SRP14: variants seen among roughly 807,000 people sequenced by gnomAD.
The protein encoded by SRP14 is signal recognition particle 14, also known as signal recognition particle 14 kDa protein.
Under a neutral mutation model 16.0 loss-of-function variants are expected in SRP14, and 1 was observed. The ratio of observed to expected loss-of-function variants is 0.06; its 90% CI spans 0.02 to 0.30. SRP14 has a LOEUF of 0.30. Among genes scored for constraint, SRP14 ranks in the 10% least tolerant of loss-of-function variants. The probability of loss-of-function intolerance (pLI) is 1.00; values close to 1 mark genes in which losing one functional copy is unlikely to be tolerated. For synonymous variants in SRP14, 67 were observed against 60.1 expected (o/e 1.12, Z -0.53); for missense variants, 120 against 163.1 (o/e 0.74, Z 1.44).
At chr15:40,038,756 G>T in intron 2 of SRP14, 120 bp downstream of exon 2, 1 of 1,075,254 alleles carries the variant, frequency 9.3e-7, no homozygotes. Flanking sequence ...AGCCCCGAAT[G>T]TGCTCAGTAC....
Position 40,036,261 on chromosome 15 carries a change from C to T in SRP14, c.*72G>A, listed in dbSNP as rs2035617469. The stretch of plus-strand genomic sequence containing the variant: ...ACACCTACTGTGGGGGAACCAGAAA[C>T]CTAGCTATCTGGCCAAAAGGAAAAA... On this transcript the variant is annotated 3_prime_UTR_variant, in exon 5 of 5. Transcript: ENST00000267884. 6.3e-7 allele frequency: 1 copy of T among 1,592,810 alleles called. No homozygotes were observed. Among genetic ancestry groups the T allele is most frequent in the Admixed American group, 1.7e-5 (1 of 59,214 alleles).
chr15:40,037,209 A>G, intron 3 of SRP14, 191 bp from the exon 4 acceptor site: 24 of 1,242,642 alleles, frequency 1.9e-5, no homozygotes, highest in Non-Finnish European at 2.4e-5. Flanking sequence ...GAGAACAAGA[A>G]AAGGAGCTCT....
rs571316650 is a variant in SRP14, at chr15:40,037,163, G to A, written c.211-145C>T. On this transcript the variant is annotated intron_variant, in intron 3 of 4. Transcript: ENST00000267884. The stretch of plus-strand genomic sequence containing the variant: ...CCCAACTTCAGGGTTCATAATACAC[G>A]AATGGTTATTTTTCTACTCTACTTT... 9 of 1,239,580 alleles carry A rather than the reference G, an allele frequency of 7.3e-6. No homozygotes were observed. The South Asian group carries it at 1.0e-4, about 14-fold the overall frequency. 76.8% of individuals were successfully genotyped at this position (1,239,580 alleles called of 1,614,324 possible). A position where few individuals can be genotyped will look rare whatever the true frequency, so the allele number is the denominator to read the frequency against.
At position 40,039,130 on chromosome 15, in the gene SRP14, G is replaced by A. The variant is rs749396172; in HGVS notation, c.-14C>T. The A allele has an allele frequency of 2.5e-6, 4 of 1,609,388 alleles. No individual in the cohort carries two copies. Among genetic ancestry groups the A allele is most frequent in the Admixed American group, 1.7e-5 (1 of 59,662 alleles). ...CAACAACACCATCGCGGCGACGCTG[G>A]CTCGACTCCCTCCGCTTAAGCCCCT... is the stretch of plus-strand genomic sequence containing the variant. On this transcript the variant is annotated 5_prime_UTR_variant, in exon 1 of 5. Coordinates refer to ENST00000267884, the MANE Select transcript of SRP14 (RefSeq NM_003134.6).
At chr15:40,038,581 A>G in intron 2 of SRP14, 187 bp from the exon 3 acceptor site, 12 of 609,918 alleles carry the variant, frequency 2.0e-5, no homozygotes, top group Middle Eastern at 3.3e-4. Flanking sequence ...CCACGACGGA[A>G]ACATGTAATA....
At chr15:40,039,032 C>T in intron 1 of SRP14, 61 bp downstream of exon 1, 1 of 1,605,428 alleles carries the variant, frequency 6.2e-7, no homozygotes, top group Non-Finnish European at 8.5e-7. Context: ...CTGCAGGAGG[C>T]ACAGGTCTCG....
At chr15:40,038,225 C>T (rs1334029597) in intron 3 of SRP14, 57 bp downstream of exon 3, 11 of 1,393,420 alleles carry the variant, frequency 7.9e-6, no homozygotes, top group Non-Finnish European at 1.1e-5. Context: ...AACGCCCCAT[C>T]CTCTGTTAAG....
intron 3 of SRP14, among the ~76,000 whole-genome samples, 159 bp downstream of exon 3, chr15:40,038,118 ATTCTT>A (rs1394992104): frequency 6.6e-6 from 1 of 152,190 alleles, no homozygotes; most frequent in Non-Finnish European, 1.5e-5. Flanking sequence ...TTCTTATTTT[ATTCTT>A]GAGGTTTCCA....
rs995791862 is a variant in SRP14, at chr15:40,038,172, C to A, written c.210+110G>T. 3.6e-6 allele frequency: 3 copies of A among 840,242 alleles called. No individual in the cohort carries two copies. In the African/African-American group the frequency reaches 5.1e-5, roughly 14 times the overall value. The allele number at this position is 840,242 out of a possible 1,614,324, so 52.0% of individuals were successfully genotyped here. On this transcript the variant is annotated intron_variant, in intron 3 of 4. Coordinates refer to ENST00000267884, the MANE Select transcript of SRP14 (RefSeq NM_003134.6). ...GGAAGGTCCTGGTCTCAAAAATAGC[C>A]ACACAGGGCAAAAGGGAAAAACAAA...
At position 40,039,176 on chromosome 15, in the gene SRP14, C is replaced by A; in HGVS notation, c.-60G>T. On this transcript the variant is annotated 5_prime_UTR_variant, in exon 1 of 5. Coordinates refer to ENST00000267884, the MANE Select transcript of SRP14 (RefSeq NM_003134.6). Reference sequence around the variant, plus strand: ...CCCCTAGCAGTGAGAGCCGGAAGTTCGGCCTAGGCTGGGCGGGACTTCCGC... The same window carrying A: ...CCCCTAGCAGTGAGAGCCGGAAGTTAGGCCTAGGCTGGGCGGGACTTCCGC... 7 of 1,578,794 alleles carry A rather than the reference C, an allele frequency of 4.4e-6. No individual in the cohort carries two copies. Among genetic ancestry groups the A allele is most frequent in the Non-Finnish European group, 6.0e-6 (7 of 1,165,224 alleles).
In SRP14 at chr15:40,038,907, C is replaced by A. The variant is rs745642753; in HGVS notation, c.66G>T (p.Thr22=). Reference sequence around the variant, plus strand: ...TCAAGGTGATATAGACGCTGCCCGACGTCCGGCACTTCTGGAAAAGTCTGG... The same window carrying A: ...TCAAGGTGATATAGACGCTGCCCGAAGTCCGGCACTTCTGGAAAAGTCTGG... ...ELTRLFQKCR[T]SGSVYITLKK... is the part of the protein sequence containing the mutation. The change falls in exon 2 of 5, where the codon ACG becomes ACT. Residue 22 remains threonine (T), a synonymous_variant. Transcript: ENST00000267884. 1 of 1,613,770 alleles carries A rather than the reference C, an allele frequency of 6.2e-7. No homozygotes were observed. The highest frequency in any genetic ancestry group is 1.1e-5 in the South Asian group (1 of 91,032).
At chr15:40,036,654 ACT>A (rs1354345927) in intron 4 of SRP14, 154 bp from the exon 5 acceptor site, 2 of 774,728 alleles carry the variant, frequency 2.6e-6, no homozygotes, top group Admixed American at 2.4e-5. Flanking sequence ...AGCATAAAAC[ACT>A]CTTTCACATT....
intron 3 of SRP14, 23 bp from the exon 4 acceptor site, chr15:40,037,041 G>A (rs1215508455): frequency 1.9e-6 from 3 of 1,612,542 alleles, no homozygotes; most frequent in African/African-American, 2.7e-5. Flanking sequence ...GAAAAAAGAG[G>A]TCATACCTAT....
rs1207568754 is a variant in SRP14, at chr15:40,036,943, T to C, written c.243+43A>G. On this transcript the variant is annotated intron_variant, in intron 4 of 4. Coordinates refer to ENST00000267884, the MANE Select transcript of SRP14 (RefSeq NM_003134.6). Reference sequence around the variant, plus strand: ...ACCCAGTGTTCACTATCATACTGACTCTTGCCCTGAGAAGGGAAACATAAG... The same window carrying C: ...ACCCAGTGTTCACTATCATACTGACCCTTGCCCTGAGAAGGGAAACATAAG... 3 of 1,608,974 alleles carry C rather than the reference T, an allele frequency of 1.9e-6. No homozygotes were observed. The East Asian group carries it at 6.7e-5, about 36-fold the overall frequency.
At position 40,037,279 on chromosome 15, in the gene SRP14, G is replaced by GGA. The variant is rs1555424355; in HGVS notation, c.211-262_211-261insTC. The GGA allele has an allele frequency of 3.1e-4, 236 of 749,930 alleles. 5 individuals are homozygous for GGA. In the East Asian group the frequency reaches 9.0e-3, roughly 29 times the overall value. The allele number at this position is 749,930 out of a possible 1,614,324, so 46.5% of individuals were successfully genotyped here. A position where few individuals can be genotyped will look rare whatever the true frequency, so the allele number is the denominator to read the frequency against. On this transcript the variant is annotated intron_variant, in intron 3 of 4. Transcript: ENST00000267884. ...TGAAAGGCAGTAGGCTCCTTTTGGG[G>GGA]AAAAAAAAAAAAAAAGCTTTGTTTC...
chr15:40,037,294 A>AAAAAAAAAAAT, intron 3 of SRP14: 1 of 1,352,532 alleles, frequency 7.4e-7, no homozygotes, highest in Non-Finnish European at 9.5e-7. Flanking sequence ...AAAAAAAAAA[A>AAAAAAAAAAAT]GCTTTGTTTC....
chr15:40,038,356 C>G lies in SRP14; in HGVS notation c.136G>C (p.Val46Leu), dbSNP rs1281878047. The G allele has an allele frequency of 1.9e-6, 3 of 1,613,964 alleles. No individual in the cohort carries two copies. In the African/African-American group the frequency reaches 4.0e-5, roughly 22 times the overall value. The change falls in exon 3 of 5, where the codon GTG becomes CTG. Residue 46 changes from valine (V) to leucine (L), a missense_variant. Val to Leu is a conservative substitution (Grantham distance 32). Coordinates refer to ENST00000267884, the MANE Select transcript of SRP14 (RefSeq NM_003134.6). ...RTKPIPKKGTVEGFEPADNKC... is the reference protein window; with the variant it reads ...RTKPIPKKGTLEGFEPADNKC... ...TTGTCTGCGGGCTCAAAGCCCTCCA[C>G]AGTACCCTTCTTTGGAATGGGTTTG...
chr15:40,039,059 C>A (rs1044379132), intron 1 of SRP14, 34 bp downstream of exon 1: 2 of 1,608,624 alleles, frequency 1.2e-6, no homozygotes, highest in African/African-American at 2.7e-5. Flanking sequence ...GCCTGAGCCG[C>A]CCCCTTCCCT....
chr15:40,038,655 C>T, intron 2 of SRP14: 2 of 615,612 alleles, frequency 3.2e-6, no homozygotes, highest in South Asian at 2.0e-5. Flanking sequence ...GAGCCCTGGG[C>T]TGCTTGGGGC....
Sources: gnomAD v4.1 joint callset for allele counts (sites outside exome capture counted in the v4.1 genomes callset) on GRCh38, gnomAD v4.1.1 for gene constraint, MANE v1.5 for transcripts, NCBI Gene and HGNC (gene_info 2026-07-23, HGNC 2026-07-21) for gene names.